The following SIRT2 variants were observed in gnomAD, a reference collection of about 807,000 sequenced individuals.
SIRT2 encodes the protein NAD-dependent protein deacetylase sirtuin-2.
Under a neutral mutation model 57.4 loss-of-function variants are expected in SIRT2, and 40 were observed. That is an observed-to-expected ratio of 0.70 (90% CI 0.54 to 0.91). SIRT2 has a LOEUF of 0.91. SIRT2 is among the 40% of genes least tolerant of loss of function. The pLI is 0.00. For missense variants in SIRT2, 439 were observed against 510.4 expected (o/e 0.86, Z 1.35); for synonymous variants, 161 against 195.7 (o/e 0.82, Z 1.48).
intron 4 of SIRT2, among the ~76,000 whole-genome samples, chr19:38,890,875 T>G (rs1296717909): frequency 6.6e-6 from 1 of 152,118 alleles, no homozygotes; most frequent in Non-Finnish European, 1.5e-5. Context: ...CAGGCACAAG[T>G]GTGATATGCT....
chr19:38,889,713 C>T lies in SIRT2; in HGVS notation c.408G>A (p.Lys136=), dbSNP rs1381638799. 6.2e-7 allele frequency: 1 copy of T among 1,614,138 alleles called. No individual in the cohort carries two copies. Among genetic ancestry groups the T allele is most frequent in the Admixed American group, 1.7e-5 (1 of 60,012 alleles). ...KHPEPFFALA[K]ELYPGQFKPT... Reference sequence around the variant, plus strand: ...CCTTGAACTGCCCAGGATAGAGTTCCTTGGCGAGGGCGAAGAAGGGTTCCG... The same window carrying T: ...CCTTGAACTGCCCAGGATAGAGTTCTTTGGCGAGGGCGAAGAAGGGTTCCG... The change falls in exon 7 of 16, where the codon AAG becomes AAA. Residue 136 remains lysine, a synonymous_variant. Transcript: ENST00000249396.
rs1406440037 is a variant in SIRT2 at position 38,893,692 on chromosome 19, C to A, written c.112+127G>T. On this transcript the variant is annotated intron_variant, in intron 3 of 15. Coordinates refer to ENST00000249396, the MANE Select transcript of SIRT2 (RefSeq NM_012237.4). ...CAGGAGCCTGCTCTGGCACTGGTACCCAACCCACTGCTACATACTTTGGAT... is the reference window on the plus strand; with the variant it reads ...CAGGAGCCTGCTCTGGCACTGGTACACAACCCACTGCTACATACTTTGGAT... 3.8e-6 allele frequency: 5 copies of A among 1,307,532 alleles called. No homozygotes were observed. In the Admixed American group the frequency reaches 9.1e-5, roughly 24 times the overall value. The allele number at this position is 1,307,532 out of a possible 1,614,324, so 81.0% of individuals were successfully genotyped here.
chr19:38,881,093 C>T lies in SIRT2; in HGVS notation c.747+7G>A, dbSNP rs766228345. 3.1e-6 allele frequency: 5 copies of T among 1,612,736 alleles called. No individual in the cohort carries two copies. Among genetic ancestry groups the T allele is most frequent in the African/African-American group, 1.3e-5 (1 of 74,892 alleles). ...TGGGGATGCGGGGAGGCTGGGGGGC[C>T]ACTTACTGACTGCATACAGGAGAAG... On this transcript the variant is annotated splice_region_variant and intron_variant, in intron 11 of 15. Coordinates refer to ENST00000249396, the MANE Select transcript of SIRT2 (RefSeq NM_012237.4).
intron 7 of SIRT2, chr19:38,889,430 C>A: frequency 1.5e-6 from 1 of 672,336 alleles, no homozygotes; most frequent in Non-Finnish European, 2.7e-6. Context: ...GGGCTCTCAA[C>A]GGCATCATTA....
intron 1 of SIRT2, among the ~76,000 whole-genome samples, chr19:38,899,172 C>A (rs1024681982): frequency 6.6e-6 from 1 of 152,082 alleles, no homozygotes; most frequent in Non-Finnish European, 1.5e-5. Flanking sequence ...CCCTCAGCAT[C>A]CTCTGGTTGC....
chr19:38,887,971 G>C (rs575279497), intron 8 of SIRT2, among the ~76,000 whole-genome samples: 14 of 152,164 alleles, frequency 9.2e-5, no homozygotes, highest in African/African-American at 3.4e-4. Context: ...GGACAGGCTG[G>C]TCTTGAACTC....
At chr19:38,881,694 CT>C (rs568675653) in intron 9 of SIRT2, among the ~76,000 whole-genome samples, 128 of 145,556 alleles carry the variant, frequency 8.8e-4, no homozygotes, top group Middle Eastern at 3.6e-3. Context: ...TTTTTTCTTT[CT>C]TTTTTTTTTT....
chr19:38,882,958 G>A (rs1357045007), intron 9 of SIRT2, among the ~76,000 whole-genome samples: 1 of 151,954 alleles, frequency 6.6e-6, no homozygotes, highest in African/African-American at 2.4e-5. Flanking sequence ...CCACACTCCA[G>A]AGGCCCTTCT....
At chr19:38,889,606 G>T in intron 7 of SIRT2, 83 bp downstream of exon 7, 1 of 1,493,462 alleles carries the variant, frequency 6.7e-7, no homozygotes, top group Non-Finnish European at 9.3e-7. Flanking sequence ...CATAATATTT[G>T]TCTGCAGGGC....
chr19:38,895,051 A>C, intron 2 of SIRT2, among the ~76,000 whole-genome samples: 1 of 139,222 alleles, frequency 7.2e-6, no homozygotes, highest in African/African-American at 2.6e-5. Context: ...CATCAGCCAG[A>C]TGTTTCCTGC....
At chr19:38,882,940 C>T (rs1226751767) in intron 9 of SIRT2, among the ~76,000 whole-genome samples, 3 of 152,122 alleles carry the variant, frequency 2.0e-5, no homozygotes, top group African/African-American at 7.2e-5. Flanking sequence ...GGCATTTTAT[C>T]AGAACAGCCA....
At chr19:38,896,134 G>C (rs1973710226) in intron 2 of SIRT2, among the ~76,000 whole-genome samples, 1 of 152,096 alleles carries the variant, frequency 6.6e-6, no homozygotes, top group Non-Finnish European at 1.5e-5. Context: ...GAGAGAAAGA[G>C]AGATTGGACA....
intron 4 of SIRT2, chr19:38,890,542 T>C (rs1215953525): frequency 4.6e-6 from 1 of 216,686 alleles, no homozygotes; most frequent in Non-Finnish European, 9.4e-6. Context: ...AATACAAAAT[T>C]AGCCAGGCGT....
At chr19:38,883,567 T>G in intron 9 of SIRT2, 60 bp downstream of exon 9, 1 of 1,588,854 alleles carries the variant, frequency 6.3e-7, no homozygotes. Flanking sequence ...GCCCACTGCA[T>G]GGAGACACTG....
In SIRT2 at chr19:38,881,123, G is replaced by A. The variant is rs752345288; in HGVS notation, c.724C>T (p.Arg242Cys). The A allele has an allele frequency of 7.4e-6, 12 of 1,613,334 alleles. No individual in the cohort carries two copies. Among genetic ancestry groups the A allele is most frequent in the Middle Eastern group, 1.6e-4 (1 of 6,074 alleles). Residue 242 changes from arginine to cysteine, a missense_variant, in exon 11 of 16, where the codon CGT (arginine) becomes TGT (cysteine). By Grantham distance (180) the Arg-to-Cys change is radical. Coordinates refer to ENST00000249396, the MANE Select transcript of SIRT2 (RefSeq NM_012237.4). Reference protein sequence around the residue: ...IVFFGESLPARFFSCMQSDFL... With the variant: ...IVFFGESLPACFFSCMQSDFL... ...ACTGACTGCATACAGGAGAAGAAAC[G>A]CGCTGGGAGGCTCTCACCAAAAAAG...
At chr19:38,886,591 C>CT (rs1973347098) in intron 8 of SIRT2, among the ~76,000 whole-genome samples, 2 of 151,294 alleles carry the variant, frequency 1.3e-5, no homozygotes, top group Admixed American at 1.3e-4. Flanking sequence ...GTAGCTGGGA[C>CT]TACAGGTGTG....
chr19:38,880,596 G>C lies in SIRT2; in HGVS notation c.876+89C>G. ...TCTGAGCTGAGGAATGCAAAGTGCT[G>C]GGGTTCCACAGTGGGGGTTCCCTCT... On this transcript the variant is annotated intron_variant, in intron 13 of 15. Transcript: ENST00000249396. This position sits in a 1 kb window ranked among gnomAD's most constrained non-coding sequence, Gnocchi z 4.1. 1 of 878,526 alleles carries C rather than the reference G, an allele frequency of 1.1e-6. No homozygotes were observed. The highest frequency in any genetic ancestry group is 1.8e-6 in the Non-Finnish European group (1 of 558,152). 54.4% of individuals were successfully genotyped at this position (878,526 alleles called of 1,614,324 possible). A position where few individuals can be genotyped will look rare whatever the true frequency, so the allele number is the denominator to read the frequency against.
At chr19:38,899,310 C>T (rs373825296) in intron 1 of SIRT2, among the ~76,000 whole-genome samples, 196 bp downstream of exon 1, 1 of 152,272 alleles carries the variant, frequency 6.6e-6, no homozygotes, top group East Asian at 1.9e-4. Flanking sequence ...ATGTGGTAAA[C>T]GAACCCTGAA....
At chr19:38,892,256 C>T (rs1008281426) in intron 4 of SIRT2, among the ~76,000 whole-genome samples, 15 of 151,922 alleles carry the variant, frequency 9.9e-5, no homozygotes, top group African/African-American at 1.7e-4. Flanking sequence ...ATTAGCCAGT[C>T]GTGGTGGTGT....
Sources: allele counts gnomAD v4.1 joint callset (sites outside exome capture counted in the v4.1 genomes callset), GRCh38; gene constraint gnomAD v4.1.1; non-coding constraint Gnocchi (gnomAD v3.1); transcripts MANE v1.5; gene names NCBI Gene and HGNC (gene_info 2026-07-23, HGNC 2026-07-21).